AGBL4: variants seen among roughly 807,000 people sequenced by gnomAD.
AGBL4 encodes cytosolic carboxypeptidase 6.
AGBL4 carries 58 observed loss-of-function variants against 66.4 expected under a neutral mutation model. The observed-to-expected ratio is 0.87, with a 90% CI of 0.71 to 1.09. The LOEUF (loss-of-function observed/expected upper bound fraction) is 1.09, where lower values mean the gene tolerates loss of function less well. AGBL4 is among the 50% of genes least tolerant of loss of function. The pLI is 0.00. For synonymous variants in AGBL4, 234 were observed against 222.9 expected (o/e 1.05, Z -0.44); for missense variants, 579 against 631.0 (o/e 0.92, Z 0.88).
At chr1:48,694,153 C>T (rs1646679434) in intron 6 of AGBL4, among the ~76,000 whole-genome samples, 1 of 151,724 alleles carries the variant, frequency 6.6e-6, no homozygotes, top group Non-Finnish European at 1.5e-5. Context: ...CATGTACAGG[C>T]AGTTGTCCTC....
rs1386981078 is a variant in AGBL4 at position 49,197,742 on chromosome 1, T to C, written c.377+48028A>G. Among the ~76,000 whole-genome samples, 5 of 152,210 alleles carry C rather than the reference T, an allele frequency of 3.3e-5. No homozygotes were observed. The East Asian group carries it at 9.6e-4, about 29-fold the overall frequency. On this transcript the variant is annotated intron_variant, in intron 4 of 13. Transcript: ENST00000371839. ...GGCTGCCCTGGACCATAAAACTTGC[T>C]ACCCAGGCCAAAACCATGCCTCTCA...
intron 4 of AGBL4, among the ~76,000 whole-genome samples, chr1:49,231,737 A>C (rs780874056): frequency 2.6e-5 from 4 of 152,168 alleles, no homozygotes. Flanking sequence ...CTAACTTATG[A>C]TGGTTTTACT....
chr1:49,371,817 CTGTGTGTGTG>C (rs55882947), intron 3 of AGBL4, among the ~76,000 whole-genome samples: 61,692 of 139,904 alleles, frequency 0.44, 14,060 homozygotes, highest in Middle Eastern at 0.54. Flanking sequence ...TTTTCAAACT[CTGTGTGTGTG>C]TGTGTGTGTG....
chr1:48,872,561 T>C (rs1366102933), intron 5 of AGBL4, among the ~76,000 whole-genome samples: 1 of 152,168 alleles, frequency 6.6e-6, no homozygotes, highest in African/African-American at 2.4e-5. Flanking sequence ...CTTCTGAATC[T>C]GGGAGACTCT....
chr1:48,927,783 T>A (rs940728337), intron 5 of AGBL4, among the ~76,000 whole-genome samples: 1 of 152,192 alleles, frequency 6.6e-6, no homozygotes, highest in Admixed American at 6.5e-5. Context: ...CTCAGAGCTA[T>A]AAGGCTCAAT....
intron 6 of AGBL4, among the ~76,000 whole-genome samples, chr1:48,775,899 G>A (rs1305796426): frequency 2.0e-5 from 3 of 152,182 alleles, no homozygotes; most frequent in South Asian, 2.1e-4. Context: ...CATTCAGGGA[G>A]CCTTCTGGGA....
chr1:48,943,572 T>C (rs955318954), intron 5 of AGBL4, among the ~76,000 whole-genome samples: 2 of 152,260 alleles, frequency 1.3e-5, no homozygotes, highest in African/African-American at 4.8e-5. Context: ...GAACATACTA[T>C]GTTCCAGGCA....
intron 3 of AGBL4, among the ~76,000 whole-genome samples, chr1:49,684,951 T>C (rs1180847259): frequency 6.6e-6 from 1 of 152,210 alleles, no homozygotes; most frequent in African/African-American, 2.4e-5. Context: ...TGCAGGTTTG[T>C]TACATGGGTA....
At chr1:49,786,955 G>T (rs1297167365) in intron 2 of AGBL4, among the ~76,000 whole-genome samples, 1 of 152,086 alleles carries the variant, frequency 6.6e-6, no homozygotes, top group Non-Finnish European at 1.5e-5. Context: ...TTCCAACAAG[G>T]TTTTTCTCAT....
chr1:49,602,701 G>A (rs958380764), intron 3 of AGBL4, among the ~76,000 whole-genome samples: 2 of 151,980 alleles, frequency 1.3e-5, no homozygotes, highest in African/African-American at 4.8e-5. Context: ...CGTGGGGTTG[G>A]GGGGCTAGGG....
chr1:49,948,237 T>G (rs1319796664), intron 1 of AGBL4, among the ~76,000 whole-genome samples: 1 of 98,776 alleles, frequency 1.0e-5, no homozygotes, highest in Non-Finnish European at 1.7e-5. Context: ...TATATAAATA[T>G]ATAAATAAAT....
At chr1:48,946,552 T>G (rs1656527424) in intron 5 of AGBL4, among the ~76,000 whole-genome samples, 1 of 152,216 alleles carries the variant, frequency 6.6e-6, no homozygotes, top group South Asian at 2.1e-4. Context: ...AATGGGTGGC[T>G]GAGCATTATA....
At chr1:49,671,413 C>G (rs993854687) in intron 3 of AGBL4, among the ~76,000 whole-genome samples, 2 of 152,012 alleles carry the variant, frequency 1.3e-5, no homozygotes, top group South Asian at 2.1e-4. Context: ...TCATCCTGGA[C>G]GTGGGAACGG....
At chr1:48,981,755 C>T (rs550655781) in intron 5 of AGBL4, among the ~76,000 whole-genome samples, 2 of 152,150 alleles carry the variant, frequency 1.3e-5, no homozygotes, top group African/African-American at 2.4e-5. Context: ...CGTGGTAGTG[C>T]GTGCTTGGAA....
At chr1:48,650,362 C>G (rs549602885) in intron 8 of AGBL4, among the ~76,000 whole-genome samples, 2 of 152,160 alleles carry the variant, frequency 1.3e-5, no homozygotes, top group Non-Finnish European at 2.9e-5. Flanking sequence ...ACCTGGCCAC[C>G]CGTCTTCCAA....
chr1:49,623,588 C>A (rs1011047312), intron 3 of AGBL4, among the ~76,000 whole-genome samples: 1 of 152,176 alleles, frequency 6.6e-6, no homozygotes, highest in African/African-American at 2.4e-5. Context: ...GATGGTTCTG[C>A]TACTAAATTT....
chr1:49,589,599 A>G (rs1256247524), intron 3 of AGBL4, among the ~76,000 whole-genome samples: 1 of 152,160 alleles, frequency 6.6e-6, no homozygotes, highest in Non-Finnish European at 1.5e-5. Flanking sequence ...ATTGAACATC[A>G]ATTAAAATGG....
Position 49,617,243 on chromosome 1 carries a change from C to A in AGBL4, c.282+80070G>T, listed in dbSNP as rs1444266316. ...GTCATGCTATCACTCAAGACTTTTG[C>A]CCCTGTGTCTTCTGCTTCATATGCT... On this transcript the variant is annotated intron_variant, in intron 3 of 13. Coordinates refer to ENST00000371839, the MANE Select transcript of AGBL4 (RefSeq NM_032785.4). Among the ~76,000 whole-genome samples, 3 of 152,128 alleles carry A rather than the reference C, an allele frequency of 2.0e-5. No individual in the cohort carries two copies. In the East Asian group the frequency reaches 5.8e-4, roughly 29 times the overall value.
At chr1:48,806,159 A>G (rs546130094) in intron 6 of AGBL4, among the ~76,000 whole-genome samples, 14 of 152,296 alleles carry the variant, frequency 9.2e-5, no homozygotes, top group Non-Finnish European at 1.8e-4. Flanking sequence ...CACATCTTGG[A>G]TGCCTATATA....
Sources: gnomAD v4.1 joint callset for allele counts (sites outside exome capture counted in the v4.1 genomes callset) on GRCh38, gnomAD v4.1.1 for gene constraint, MANE v1.5 for transcripts, NCBI Gene and HGNC (gene_info 2026-07-23, HGNC 2026-07-21) for gene names.